CAMK1D: variants seen among roughly 807,000 people sequenced by gnomAD.
CAMK1D encodes the protein calcium/calmodulin dependent protein kinase ID.
CAMK1D carries 9 observed loss-of-function variants against 47.7 expected under a neutral mutation model. That is an observed-to-expected ratio of 0.19 (90% CI 0.11 to 0.33). CAMK1D has a LOEUF of 0.33. Among genes scored for constraint, CAMK1D ranks in the 10% least tolerant of loss-of-function variants. The pLI is 1.00. For synonymous variants in CAMK1D, 184 were observed against 184.9 expected (o/e 0.99, Z 0.04); for missense variants, 291 against 488.7 (o/e 0.60, Z 3.81).
chr10:12,547,170 A>G (rs1371325946), intron 1 of CAMK1D, among the ~76,000 whole-genome samples: 1 of 152,172 alleles, frequency 6.6e-6, no homozygotes, highest in Admixed American at 6.5e-5. Context: ...GAAGGAGAGA[A>G]CGATGCTGTA....
At chr10:12,641,143 G>A (rs1839654397) in intron 2 of CAMK1D, among the ~76,000 whole-genome samples, 1 of 151,902 alleles carries the variant, frequency 6.6e-6, no homozygotes, top group Admixed American at 6.6e-5. Flanking sequence ...TAATTTTTGT[G>A]TCTTTAGTAG....
At chr10:12,352,948 A>G (rs1417423706) in intron 1 of CAMK1D, among the ~76,000 whole-genome samples, 1 of 152,038 alleles carries the variant, frequency 6.6e-6, no homozygotes, top group Non-Finnish European at 1.5e-5. Flanking sequence ...CGTGTTAGCC[A>G]GGATGGTCTC....
intron 6 of CAMK1D, among the ~76,000 whole-genome samples, chr10:12,804,998 C>T (rs1466896002): frequency 1.3e-5 from 2 of 149,762 alleles, no homozygotes; most frequent in African/African-American, 4.9e-5. Flanking sequence ...CGGTGGCTCA[C>T]GCCTATAATC....
chr10:12,504,309 C>T (rs79244075), intron 1 of CAMK1D, among the ~76,000 whole-genome samples: 22,430 of 151,816 alleles, frequency 0.15, 1,705 homozygotes, highest in Non-Finnish European at 0.16. Flanking sequence ...AGTCCAAGTC[C>T]GGAGGCCGGA....
intron 2 of CAMK1D, among the ~76,000 whole-genome samples, chr10:12,593,458 T>G (rs1838055103): frequency 6.6e-6 from 1 of 151,998 alleles, no homozygotes; most frequent in Non-Finnish European, 1.5e-5. Context: ...GGCATGGTGG[T>G]GGGCACCTGT....
At chr10:12,617,394 T>TA (rs1838856954) in intron 2 of CAMK1D, among the ~76,000 whole-genome samples, 1 of 152,206 alleles carries the variant, frequency 6.6e-6, no homozygotes, top group Non-Finnish European at 1.5e-5. Flanking sequence ...TGGCGTCACT[T>TA]ACGGTAAATA....
At chr10:12,524,922 A>C (rs1016590726) in intron 1 of CAMK1D, among the ~76,000 whole-genome samples, 5 of 152,306 alleles carry the variant, frequency 3.3e-5, no homozygotes, top group South Asian at 2.1e-4. Flanking sequence ...TTCTGCTGAT[A>C]AAGTATTTTT....
At chr10:12,773,337 C>A (rs1837128436) in intron 5 of CAMK1D, among the ~76,000 whole-genome samples, 2 of 152,198 alleles carry the variant, frequency 1.3e-5, no homozygotes, top group Non-Finnish European at 2.9e-5. Flanking sequence ...TCACCCTCTG[C>A]AGATACTAGC....
intron 3 of CAMK1D, among the ~76,000 whole-genome samples, chr10:12,713,093 G>A (rs1234000158): frequency 6.6e-6 from 1 of 151,186 alleles, no homozygotes; most frequent in Non-Finnish European, 1.5e-5. Flanking sequence ...TTTTTGGGAT[G>A]GAGTTTTGCT....
intron 1 of CAMK1D, among the ~76,000 whole-genome samples, chr10:12,489,892 GC>G: frequency 6.6e-6 from 1 of 152,296 alleles, no homozygotes; most frequent in East Asian, 1.9e-4. Flanking sequence ...GCTGCCAGAC[GC>G]CCCGACACCT....
intron 1 of CAMK1D, among the ~76,000 whole-genome samples, chr10:12,510,731 G>A (rs1284223337): frequency 6.6e-6 from 1 of 152,146 alleles, no homozygotes; most frequent in East Asian, 1.9e-4. Context: ...TCACAGGAGC[G>A]GCTTCTGCAG....
intron 3 of CAMK1D, among the ~76,000 whole-genome samples, chr10:12,730,889 C>A (rs1834853419): frequency 6.6e-6 from 1 of 152,090 alleles, no homozygotes; most frequent in South Asian, 2.1e-4. Flanking sequence ...GTGCTAGGGC[C>A]AGAAGCTTGA....
At chr10:12,744,039 A>T (rs1274838719) in intron 3 of CAMK1D, among the ~76,000 whole-genome samples, 1 of 147,078 alleles carries the variant, frequency 6.8e-6, no homozygotes, top group Non-Finnish European at 1.5e-5. Flanking sequence ...AAAAAAAAAA[A>T]TTTGCCTTTT....
intron 1 of CAMK1D, among the ~76,000 whole-genome samples, chr10:12,358,922 A>G (rs1281866018): frequency 6.6e-6 from 1 of 152,140 alleles, no homozygotes; most frequent in Non-Finnish European, 1.5e-5. Flanking sequence ...TCTGTTGGAA[A>G]TTGATTTTTT....
intron 3 of CAMK1D, among the ~76,000 whole-genome samples, chr10:12,711,540 C>T (rs1337708162): frequency 6.6e-6 from 1 of 152,114 alleles, no homozygotes; most frequent in Non-Finnish European, 1.5e-5. Context: ...GTATGGAGAT[C>T]CTAAAATCAT....
chr10:12,534,896 G>A (rs1474964327), intron 1 of CAMK1D, among the ~76,000 whole-genome samples: 1 of 152,080 alleles, frequency 6.6e-6, no homozygotes, highest in Non-Finnish European at 1.5e-5. Flanking sequence ...GGGCCAGCCT[G>A]GAAGTGCCCA....
chr10:12,516,649 G>T (rs1373552257), intron 1 of CAMK1D, among the ~76,000 whole-genome samples: 6 of 152,180 alleles, frequency 3.9e-5, no homozygotes, highest in African/African-American at 9.7e-5. Context: ...GTTAGCTCTT[G>T]TTATTGTCAG....
At position 12,517,983 on chromosome 10, in the gene CAMK1D, C is replaced by T. The variant is rs1433106961; in HGVS notation, c.93-35242C>T. On this transcript the variant is annotated intron_variant, in intron 1 of 10. Coordinates refer to ENST00000619168, the MANE Select transcript of CAMK1D (RefSeq NM_153498.4). ...ATTGGTATTATTTTTTACTTAAATT[C>T]TTGGTGCAATTCATCAGTGAAATTA... Among the ~76,000 whole-genome samples, 3 of 152,060 alleles carry T rather than the reference C, an allele frequency of 2.0e-5. No homozygotes were observed. In the East Asian group the frequency reaches 5.8e-4, roughly 29 times the overall value.
intron 2 of CAMK1D, among the ~76,000 whole-genome samples, chr10:12,604,674 T>A (rs1238741368): frequency 6.6e-6 from 1 of 152,208 alleles, no homozygotes; most frequent in Non-Finnish European, 1.5e-5. Context: ...TGTTTCAGGT[T>A]CCAGTTGACT....
Sources: gnomAD v4.1 joint callset for allele counts (sites outside exome capture counted in the v4.1 genomes callset) on GRCh38, gnomAD v4.1.1 for gene constraint, MANE v1.5 for transcripts, NCBI Gene and HGNC (gene_info 2026-07-23, HGNC 2026-07-21) for gene names.